The following TNFRSF19 variants were observed in gnomAD, a reference collection of about 807,000 sequenced individuals.
TNFRSF19 encodes tumor necrosis factor receptor superfamily member 19.
In TNFRSF19, 27 loss-of-function variants were observed where a neutral mutation model predicts 46.4. The ratio of observed to expected loss-of-function variants is 0.58; its 90% CI spans 0.43 to 0.80. The LOEUF (loss-of-function observed/expected upper bound fraction) is 0.80, where lower values mean the gene tolerates loss of function less well. Among genes scored for constraint, TNFRSF19 ranks in the 30% least tolerant of loss-of-function variants. TNFRSF19 has a pLI of 0.00. For missense variants in TNFRSF19, 511 were observed against 530.8 expected (o/e 0.96, Z 0.37); for synonymous variants, 204 against 205.0 (o/e 1.00, Z 0.04).
chr13:23,614,769 A>ATATATATATAT (rs59907466), intron 3 of TNFRSF19, among the ~76,000 whole-genome samples: 41 of 147,010 alleles, frequency 2.8e-4, no homozygotes, highest in South Asian at 1.3e-3. Flanking sequence ...ATATATATAT[A>ATATATATATAT]GTACCTGGCA....
intron 2 of TNFRSF19, among the ~76,000 whole-genome samples, chr13:23,592,953 A>G (rs980795783): frequency 6.6e-6 from 1 of 151,224 alleles, no homozygotes; most frequent in Non-Finnish European, 1.5e-5. Context: ...TAGCAAAAGG[A>G]CCTTGGGTCA....
At chr13:23,639,673 C>T (rs1478515101) in intron 5 of TNFRSF19, among the ~76,000 whole-genome samples, 1 of 152,184 alleles carries the variant, frequency 6.6e-6, no homozygotes, top group Non-Finnish European at 1.5e-5. Context: ...ACCAGTCAGG[C>T]CCCCTGGAAG....
rs1004450368 is a variant in TNFRSF19 at position 23,660,346 on chromosome 13, G to A, written c.611-19G>A. ...AGAGGAGACTGTGTTCCCTGACAGA[G>A]TTCTCACCCCTCATTTAGGGTCTCT... On this transcript the variant is annotated intron_variant, in intron 6 of 9. Coordinates refer to ENST00000248484, the MANE Select transcript of TNFRSF19 (RefSeq NM_148957.4). 1 of 1,609,894 alleles carries A rather than the reference G, an allele frequency of 6.2e-7. No homozygotes were observed. The highest frequency in any genetic ancestry group is 8.5e-7 in the Non-Finnish European group (1 of 1,177,722).
At chr13:23,631,651 G>C (rs1882370266) in intron 5 of TNFRSF19, among the ~76,000 whole-genome samples, 1 of 152,210 alleles carries the variant, frequency 6.6e-6, no homozygotes, top group South Asian at 2.1e-4. Flanking sequence ...TGGTAAGTAA[G>C]AGTACCTCTT....
chr13:23,636,393 AGT>A (rs1283203809), intron 5 of TNFRSF19, among the ~76,000 whole-genome samples: 2 of 152,316 alleles, frequency 1.3e-5, no homozygotes, highest in Non-Finnish European at 2.9e-5. Context: ...GCAGAATGCT[AGT>A]CTAGATATTA....
chr13:23,612,718 C>CA, intron 3 of TNFRSF19, among the ~76,000 whole-genome samples: 1 of 152,210 alleles, frequency 6.6e-6, no homozygotes, highest in South Asian at 2.1e-4. Flanking sequence ...CCCAAATAAA[C>CA]AGTCTTTATG....
Position 23,668,046 on chromosome 13 carries a change from G to A in TNFRSF19, c.803G>A (p.Gly268Asp), listed in dbSNP as rs764588635. 87 of 1,609,722 alleles carry A rather than the reference G, an allele frequency of 5.4e-5. No individual in the cohort carries two copies. Among genetic ancestry groups the A allele is most frequent in the Non-Finnish European group, 7.0e-5 (82 of 1,178,336 alleles). The change falls in exon 8 of 10, where the codon GGT becomes GAT. Residue 268 changes from glycine (G) to aspartate (D), a missense_variant. Gly to Asp is a moderately conservative substitution (Grantham distance 94). Coordinates refer to ENST00000248484, the MANE Select transcript of TNFRSF19 (RefSeq NM_148957.4). Reference sequence around the variant, plus strand: ...TGCAGCCCCAACCCGGCGACTCTTGGTTGTGGGGTGCATTCTGCAGCCAGT... The same window carrying A: ...TGCAGCCCCAACCCGGCGACTCTTGATTGTGGGGTGCATTCTGCAGCCAGT... ...EACSPNPATLGCGVHSAASLQ... is the reference protein window; with the variant it reads ...EACSPNPATLDCGVHSAASLQ...
intron 5 of TNFRSF19, among the ~76,000 whole-genome samples, chr13:23,643,240 G>T (rs993511115): frequency 1.3e-5 from 2 of 152,218 alleles, no homozygotes; most frequent in South Asian, 4.1e-4. Context: ...GTTATTTAAA[G>T]AAGTTTCTGC....
intron 5 of TNFRSF19, among the ~76,000 whole-genome samples, chr13:23,645,554 G>T (rs1429702238): frequency 6.6e-6 from 1 of 152,134 alleles, no homozygotes; most frequent in Non-Finnish European, 1.5e-5. Context: ...CAAAGCCTTG[G>T]TTTATTTATG....
intron 1 of TNFRSF19, among the ~76,000 whole-genome samples, chr13:23,573,724 T>C (rs1405852887): frequency 1.3e-5 from 2 of 152,058 alleles, no homozygotes; most frequent in Admixed American, 1.3e-4. Flanking sequence ...ATGTTAAGAC[T>C]CTTGAGCATG....
intron 1 of TNFRSF19, among the ~76,000 whole-genome samples, chr13:23,571,380 A>G (rs1877623607): frequency 1.3e-5 from 2 of 152,226 alleles, no homozygotes; most frequent in Non-Finnish European, 2.9e-5. Context: ...CACTCAAGGG[A>G]ATCACTGAAA....
chr13:23,668,120 C>G, intron 8 of TNFRSF19, 38 bp downstream of exon 8: 1 of 1,520,764 alleles, frequency 6.6e-7, no homozygotes, highest in Non-Finnish European at 8.9e-7. Flanking sequence ...TCATAACCCC[C>G]TGTGCAAATA....
chr13:23,659,275 C>A lies in TNFRSF19; in HGVS notation c.610+61C>A. 1 of 1,530,920 alleles carries A rather than the reference C, an allele frequency of 6.5e-7. No individual in the cohort carries two copies. The highest frequency in any genetic ancestry group is 1.3e-5 in the South Asian group (1 of 79,382). 94.8% of individuals were successfully genotyped at this position (1,530,920 alleles called of 1,614,324 possible). A position where few individuals can be genotyped will look rare whatever the true frequency, so the allele number is the denominator to read the frequency against. ...GGGGAAGGGCATTTATTACTATTGT[C>A]GTGCAAGTGTTCCACAAGAGACTTG... On this transcript the variant is annotated intron_variant, in intron 6 of 9. Coordinates refer to ENST00000248484, the MANE Select transcript of TNFRSF19 (RefSeq NM_148957.4). This position sits in a 1 kb window ranked among gnomAD's most constrained non-coding sequence, Gnocchi z 4.9.
chr13:23,632,603 T>C (rs1269401261), intron 5 of TNFRSF19, among the ~76,000 whole-genome samples: 1 of 152,218 alleles, frequency 6.6e-6, no homozygotes, highest in African/African-American at 2.4e-5. Flanking sequence ...GTCAATAACA[T>C]GTGATTTCAT....
chr13:23,651,299 A>C (rs1883610761), intron 5 of TNFRSF19, among the ~76,000 whole-genome samples: 1 of 152,188 alleles, frequency 6.6e-6, no homozygotes, highest in Non-Finnish European at 1.5e-5. Flanking sequence ...TTCAGTGAAA[A>C]ATATTTTTAA....
Position 23,593,393 on chromosome 13 carries a change from A to G in TNFRSF19, c.118A>G (p.Arg40Gly). 6.2e-7 allele frequency: 1 copy of G among 1,600,564 alleles called. No individual in the cohort carries two copies. The highest frequency in any genetic ancestry group is 8.5e-7 in the Non-Finnish European group (1 of 1,176,554). Reference sequence around the variant, plus strand: ...AGGAGACTGTAGACAGCAAGAATTCAGGGATCGGTCTGGAAACTGTGTTCC... The same window carrying G: ...AGGAGACTGTAGACAGCAAGAATTCGGGGATCGGTCTGGAAACTGTGTTCC... ...ESGDCRQQEFRDRSGNCVPCN... is the reference protein window; with the variant it reads ...ESGDCRQQEFGDRSGNCVPCN... Residue 40 changes from arginine to glycine, a missense_variant, in exon 3 of 10, where the codon AGG becomes GGG. By Grantham distance (125) the Arg-to-Gly change is moderately radical (BLOSUM62 -2). Transcript: ENST00000248484.
chr13:23,580,291 A>G (rs897967648), intron 1 of TNFRSF19, among the ~76,000 whole-genome samples: 4 of 151,038 alleles, frequency 2.6e-5, no homozygotes, highest in Admixed American at 6.6e-5. Flanking sequence ...AAAGGACTCA[A>G]TATGCATACA....
chr13:23,602,674 CA>C (rs1421978476), intron 3 of TNFRSF19, among the ~76,000 whole-genome samples: 1 of 152,000 alleles, frequency 6.6e-6, no homozygotes, highest in East Asian at 1.9e-4. Context: ...TGTCAGATCA[CA>C]ATGGAATAAA....
At chr13:23,645,345 G>T (rs532985887) in intron 5 of TNFRSF19, among the ~76,000 whole-genome samples, 1 of 152,212 alleles carries the variant, frequency 6.6e-6, no homozygotes, top group African/African-American at 2.4e-5. Context: ...GGGATTACAG[G>T]TGTGCACCAC....
Sources: allele counts gnomAD v4.1 joint callset (sites outside exome capture counted in the v4.1 genomes callset), GRCh38; gene constraint gnomAD v4.1.1; non-coding constraint Gnocchi (gnomAD v3.1); transcripts MANE v1.5; gene names NCBI Gene and HGNC (gene_info 2026-07-23, HGNC 2026-07-21).